C4BPA: variants seen among roughly 807,000 people sequenced by gnomAD.
The protein encoded by C4BPA is C4b-binding protein alpha chain.
A neutral mutation model predicts 63.7 loss-of-function variants in C4BPA; 31 were observed. The ratio of observed to expected loss-of-function variants is 0.49; its 90% CI spans 0.37 to 0.66. C4BPA has a LOEUF of 0.66. Ranked by LOEUF, C4BPA falls within the 30% of genes least tolerant of loss-of-function variation. C4BPA has a pLI of 0.00. For synonymous variants in C4BPA, 259 were observed against 254.7 expected (o/e 1.02, Z -0.16); for missense variants, 572 against 723.3 (o/e 0.79, Z 2.40).
In C4BPA at chr1:207,141,164, C is replaced by G. The variant is rs748541322; in HGVS notation, c.1332C>G (p.Ser444Arg). ...HGHYKQSSSY[S>R]FFKEEIIYEC... ...ATTATAAACAATCTAGTTCATACAG[C>G]TTTTTCAAAGAAGAGATTATATATG... The change falls in exon 10 of 12, where the codon AGC becomes AGG. Residue 444 changes from serine (S) to arginine (R), a missense_variant. Transcript: ENST00000367070. 4 of 1,613,594 alleles carry G rather than the reference C, an allele frequency of 2.5e-6. No homozygotes were observed. The highest frequency in any genetic ancestry group is 3.4e-6 in the Non-Finnish European group (4 of 1,179,670).
intron 7 of C4BPA, among the ~76,000 whole-genome samples, chr1:207,129,728 C>T (rs1485734096): frequency 6.6e-6 from 1 of 152,110 alleles, no homozygotes; most frequent in East Asian, 1.9e-4. Flanking sequence ...ACATATTTTG[C>T]ACTTACATAT....
chr1:207,124,020 T>C lies in C4BPA; in HGVS notation c.514+13T>C, dbSNP rs559134560. Reference sequence around the variant, plus strand: ...CCACAATGTGAAAGTAAGTAAAGACTCTTCTGACTTGACTATCAATTTAAA... The same window carrying C: ...CCACAATGTGAAAGTAAGTAAAGACCCTTCTGACTTGACTATCAATTTAAA... On this transcript the variant is annotated intron_variant, in intron 5 of 11. Transcript: ENST00000367070. 1.5e-5 allele frequency: 24 copies of C among 1,581,006 alleles called. No homozygotes were observed. Among genetic ancestry groups the C allele is most frequent in the Non-Finnish European group, 1.9e-5 (22 of 1,151,196 alleles).
At chr1:207,125,595 G>A (rs973200730) in intron 6 of C4BPA, among the ~76,000 whole-genome samples, 1 of 152,090 alleles carries the variant, frequency 6.6e-6, no homozygotes, top group Non-Finnish European at 1.5e-5. Flanking sequence ...CTTCTGTCTT[G>A]TGAGGACAGA....
Position 207,134,426 on chromosome 1 carries a change from G to T in C4BPA, c.1107G>T (p.Lys369Asn). The T allele has an allele frequency of 6.2e-7, 1 of 1,613,424 alleles. No individual in the cohort carries two copies. Among genetic ancestry groups the T allele is most frequent in the Non-Finnish European group, 8.5e-7 (1 of 1,179,660 alleles). The change falls in exon 9 of 12, where the codon AAG (lysine) becomes AAT (asparagine). Residue 369 changes from lysine to asparagine, a missense_variant. Physicochemically the swap from Lys to Asn is moderately conservative, Grantham distance 94. Coordinates refer to ENST00000367070, the MANE Select transcript of C4BPA (RefSeq NM_000715.4). ...GCEALCCPEP[K>N]LNNGEITQHR... ...CAGCGTTATGTTGCCCTGAACCAAAGCTAAATAATGGTGAAATCACTCAAC... is the reference window on the plus strand; with the variant it reads ...CAGCGTTATGTTGCCCTGAACCAAATCTAAATAATGGTGAAATCACTCAAC...
rs921732366 is a variant in C4BPA at position 207,126,802 on chromosome 1, A to C, written c.796A>C (p.Lys266Gln). The C allele has an allele frequency of 6.2e-7, 1 of 1,612,914 alleles. No individual in the cohort carries two copies. Among genetic ancestry groups the C allele is most frequent in the East Asian group, 2.2e-5 (1 of 44,856 alleles). The change falls in exon 7 of 12, where the codon AAG (lysine) becomes CAG (glutamine). Residue 266 changes from lysine to glutamine, a missense_variant. Lys to Gln is a moderately conservative substitution (Grantham distance 53, BLOSUM62 1). Transcript: ENST00000367070. ...TAATTACAAAGACACTATTGTGTTT[A>C]AGTGCCAAAAAGGTTTTGTTCTCAG... ...IYNYKDTIVFKCQKGFVLRGS... is the reference protein window; with the variant it reads ...IYNYKDTIVFQCQKGFVLRGS...
chr1:207,115,641 A>G (rs1684770815), intron 4 of C4BPA, 126 bp downstream of exon 4: 1 of 516,586 alleles, frequency 1.9e-6, no homozygotes, highest in Non-Finnish European at 3.3e-6. Flanking sequence ...TTTCCATCCT[A>G]TCTCCATACA....
chr1:207,105,332 C>A (rs535592965), intron 1 of C4BPA, among the ~76,000 whole-genome samples: 1 of 151,862 alleles, frequency 6.6e-6, no homozygotes, highest in Non-Finnish European at 1.5e-5. Flanking sequence ...CCGAGGCTGG[C>A]GGATCACCTG....
chr1:207,123,503 A>G (rs1175237454), intron 4 of C4BPA, among the ~76,000 whole-genome samples: 1 of 152,196 alleles, frequency 6.6e-6, no homozygotes, highest in Non-Finnish European at 1.5e-5. Context: ...GGAAGTGGTG[A>G]ACTGAAAGCT....
chr1:207,128,104 T>C (rs1685083739), intron 7 of C4BPA, among the ~76,000 whole-genome samples: 1 of 152,178 alleles, frequency 6.6e-6, no homozygotes, highest in Non-Finnish European at 1.5e-5. Flanking sequence ...TGGCTCTATG[T>C]TGCACGAGAA....
At chr1:207,107,241 T>C (rs1332100357) in intron 1 of C4BPA, among the ~76,000 whole-genome samples, 1 of 152,146 alleles carries the variant, frequency 6.6e-6, no homozygotes, top group Non-Finnish European at 1.5e-5. Flanking sequence ...TGCAAATGCT[T>C]GCAGGTGTTT....
intron 10 of C4BPA, among the ~76,000 whole-genome samples, chr1:207,142,571 C>T (rs1194455340): frequency 6.6e-6 from 1 of 152,108 alleles, no homozygotes; most frequent in Non-Finnish European, 1.5e-5. Context: ...CACAACCTCT[C>T]CAGCATCTGT....
chr1:207,124,039 A>G (rs761018226), intron 5 of C4BPA, 32 bp downstream of exon 5: 31 of 1,544,810 alleles, frequency 2.0e-5, no homozygotes, highest in African/African-American at 9.5e-5. Flanking sequence ...TTGACTATCA[A>G]TTTAAACTCT....
At chr1:207,116,983 T>C (rs4844569) in intron 4 of C4BPA, among the ~76,000 whole-genome samples, 90,366 of 151,780 alleles carry the variant, frequency 0.6, 27,830 homozygotes, top group East Asian at 0.73. Context: ...CATTTATGTA[T>C]GCGTTTCACA....
Position 207,114,111 on chromosome 1 carries a change from C to G in C4BPA, c.154C>G (p.Pro52Ala). 6.2e-7 allele frequency: 1 copy of G among 1,611,782 alleles called. No individual in the cohort carries two copies. The highest frequency in any genetic ancestry group is 8.5e-7 in the Non-Finnish European group (1 of 1,178,744). Residue 52 changes from proline to alanine, a missense_variant, in exon 3 of 12, where the codon CCT becomes GCT. Coordinates refer to ENST00000367070, the MANE Select transcript of C4BPA (RefSeq NM_000715.4). ...LLPAVLGNCG[P>A]PPTLSFAAPM... ...ATTTTGGTGTCCAGGCAATTGTGGT[C>G]CTCCACCCACTTTATCATTTGCTGC...
rs150073983 is a variant in C4BPA, at chr1:207,134,364, G to T, written c.1085-40G>T. 2.1e-4 allele frequency: 309 copies of T among 1,477,622 alleles called. 1 individual carries two copies. The East Asian group carries it at 6.4e-3, about 31-fold the overall frequency. The allele number at this position is 1,477,622 out of a possible 1,614,324, so 91.5% of individuals were successfully genotyped here. ...TGTTAGCCATAGAAGCTTCCTCATG[G>T]TGATTTTACTAACCATGCACCTCAC... is the stretch of plus-strand genomic sequence containing the variant. On this transcript the variant is annotated intron_variant, in intron 8 of 11. Coordinates refer to ENST00000367070, the MANE Select transcript of C4BPA (RefSeq NM_000715.4).
chr1:207,115,999 G>A (rs1218625135), intron 4 of C4BPA, among the ~76,000 whole-genome samples: 1 of 152,192 alleles, frequency 6.6e-6, no homozygotes, highest in Non-Finnish European at 1.5e-5. Context: ...TCTCTTGTAT[G>A]TGTGTCATTT....
At chr1:207,121,335 G>C (rs556089728) in intron 4 of C4BPA, among the ~76,000 whole-genome samples, 4 of 151,986 alleles carry the variant, frequency 2.6e-5, no homozygotes, top group Non-Finnish European at 5.9e-5. Flanking sequence ...AAGATTCATA[G>C]CTCTTCACTG....
intron 1 of C4BPA, among the ~76,000 whole-genome samples, chr1:207,107,530 C>A (rs1354611774): frequency 6.6e-6 from 1 of 152,132 alleles, no homozygotes; most frequent in Non-Finnish European, 1.5e-5. Flanking sequence ...GCTTGGGTGA[C>A]ACAGAGTGAG....
At chr1:207,140,347 T>C (rs1685386784) in intron 9 of C4BPA, among the ~76,000 whole-genome samples, 1 of 152,210 alleles carries the variant, frequency 6.6e-6, no homozygotes, top group South Asian at 2.1e-4. Context: ...ATTTAATCCC[T>C]TCTTATACCA....
Sources: gnomAD v4.1 joint callset for allele counts (sites outside exome capture counted in the v4.1 genomes callset) on GRCh38, gnomAD v4.1.1 for gene constraint, MANE v1.5 for transcripts, NCBI Gene and HGNC (gene_info 2026-07-23, HGNC 2026-07-21) for gene names.